MYO7B: variants seen among roughly 807,000 people sequenced by gnomAD.
The protein encoded by MYO7B is unconventional myosin-VIIb.
A neutral mutation model predicts 259.7 loss-of-function variants in MYO7B; 212 were observed. The ratio of observed to expected loss-of-function variants is 0.82; its 90% CI spans 0.73 to 0.91. The LOEUF (loss-of-function observed/expected upper bound fraction) is 0.91. Ranked by LOEUF, MYO7B falls within the 40% of genes least tolerant of loss-of-function variation. The pLI, the probability that MYO7B is intolerant of heterozygous loss-of-function variation, is 0.00. For synonymous variants in MYO7B, 1,197 were observed against 1,166.4 expected (o/e 1.03, Z -0.54); for missense variants, 2,732 against 2,813.5 (o/e 0.97, Z 0.66).
At chr2:127,631,880 TCAG>T in intron 38 of MYO7B, 127 bp downstream of exon 38, 2 of 1,268,752 alleles carry the variant, frequency 1.6e-6, no homozygotes, top group South Asian at 2.9e-5. Flanking sequence ...GGCTCCTGCC[TCAG>T]CAGTGGGAAG....
At chr2:127,606,825 T>G (rs1680170134) in intron 20 of MYO7B, among the ~76,000 whole-genome samples, 1 of 152,198 alleles carries the variant, frequency 6.6e-6, no homozygotes, top group Non-Finnish European at 1.5e-5. Flanking sequence ...CACACGGGTG[T>G]GCTAGCCCGT....
chr2:127,536,602 A>C (rs1055137177), intron 1 of MYO7B, among the ~76,000 whole-genome samples: 1 of 152,002 alleles, frequency 6.6e-6, no homozygotes, highest in East Asian at 1.9e-4. Flanking sequence ...AGACACAGAG[A>C]TTGTGAGAGC....
intron 1 of MYO7B, among the ~76,000 whole-genome samples, chr2:127,553,331 T>G (rs1693524178): frequency 6.6e-6 from 1 of 152,246 alleles, no homozygotes; most frequent in Admixed American, 6.5e-5. Flanking sequence ...TTGGCTTGAA[T>G]TTTTAAATTG....
chr2:127,622,288 G>A (rs1205900409), intron 28 of MYO7B, among the ~76,000 whole-genome samples, 187 bp downstream of exon 28: 8 of 152,092 alleles, frequency 5.3e-5, no homozygotes, highest in Non-Finnish European at 8.8e-5. Flanking sequence ...CTCCCCAGGC[G>A]TGACCCCCAT....
Position 127,608,734 on chromosome 2 carries a change from G to T in MYO7B, c.2670G>T (p.Gly890=). ...CGCCGCTGGTCATCCCGGCCGAGGG[G>T]CAGAAAAGCCAAGGCGCTCTCCCTG... ...ANAPLVIPAE[G]QKSQGALPAK... The change falls in exon 22 of 48, where the codon GGG becomes GGT. Residue 890 remains glycine, a synonymous_variant. Coordinates refer to ENST00000409816, the MANE Select transcript of MYO7B (RefSeq NM_001393586.1). The T allele has an allele frequency of 6.2e-7, 1 of 1,612,738 alleles. No homozygotes were observed. Among genetic ancestry groups the T allele is most frequent in the Non-Finnish European group, 8.5e-7 (1 of 1,179,306 alleles).
chr2:127,634,365 C>A, intron 41 of MYO7B, 76 bp downstream of exon 41: 1 of 1,174,858 alleles, frequency 8.5e-7, no homozygotes, highest in Non-Finnish European at 1.2e-6. Context: ...CTGTGGGGGC[C>A]TCAGCCTACC....
chr2:127,596,917 G>A (rs996912486), intron 19 of MYO7B, among the ~76,000 whole-genome samples: 1 of 152,226 alleles, frequency 6.6e-6, no homozygotes, highest in Non-Finnish European at 1.5e-5. Context: ...GGCTTGCCTG[G>A]GTTCCCTGGT....
chr2:127,588,299 G>A (rs904095400), intron 14 of MYO7B, 93 bp from the exon 15 acceptor site: 19 of 1,430,708 alleles, frequency 1.3e-5, no homozygotes, highest in South Asian at 8.0e-5. Flanking sequence ...GCTCCTCCAC[G>A]CATCCTGTAT....
chr2:127,545,007 G>A (rs940839746), intron 1 of MYO7B, among the ~76,000 whole-genome samples: 5 of 152,188 alleles, frequency 3.3e-5, no homozygotes, highest in African/African-American at 9.6e-5. Flanking sequence ...TTACAGGTGT[G>A]AGCCACCGCA....
At position 127,636,568 on chromosome 2, in the gene MYO7B, G is replaced by A. The variant is rs199712976; in HGVS notation, c.6147G>A (p.Pro2049=). 2.4e-5 allele frequency: 38 copies of A among 1,612,402 alleles called. No homozygotes were observed. The highest frequency in any genetic ancestry group is 4.0e-5 in the African/African-American group (3 of 74,962). The stretch of plus-strand genomic sequence containing the variant: ...AGCAAACCTCGGAGCCTTCCTACCC[G>A]GACGTCATCCTCATCGCCATCAACC... ...EVKQTSEPSY[P]DVILIAINRH... is the part of the protein sequence containing the mutation. Residue 2049 remains proline (P), a synonymous_variant, in exon 46 of 48, where the codon CCG becomes CCA. Transcript: ENST00000409816. The surrounding 1 kb of genome is among the most constrained non-coding windows in gnomAD (Gnocchi z 4.5).
Position 127,620,450 on chromosome 2 carries a change from CAG to C in MYO7B, c.3514_3515del (p.Arg1172ValfsTer120). On this transcript the variant is annotated frameshift_variant, in exon 27 of 48. Transcript: ENST00000409816. LOFTEE classifies it high-confidence loss of function. ...CTCTGCCTCGGCTGCTTCCCACCCT[CAG>C]AGAGGTTCATGAAGGTGAGAGGGTT... is the stretch of plus-strand genomic sequence containing the variant. The C allele has an allele frequency of 6.3e-7, 1 of 1,597,482 alleles. No homozygotes were observed. The highest frequency in any genetic ancestry group is 1.1e-5 in the South Asian group (1 of 89,716).
Position 127,625,079 on chromosome 2 carries a change from G to A in MYO7B, c.4048-289G>A, listed in dbSNP as rs570834242. Among the ~76,000 whole-genome samples, 7 of 152,294 alleles carry A rather than the reference G, an allele frequency of 4.6e-5. No homozygotes were observed. The South Asian group carries it at 1.2e-3, about 27-fold the overall frequency. Reference sequence around the variant, plus strand: ...GACAACCAAGGACTGGAACTCAGATGAGGAAACGCCTTGTCACTCAGAGCA... The same window carrying A: ...GACAACCAAGGACTGGAACTCAGATAAGGAAACGCCTTGTCACTCAGAGCA... On this transcript the variant is annotated intron_variant, in intron 30 of 47. Coordinates refer to ENST00000409816, the MANE Select transcript of MYO7B (RefSeq NM_001393586.1).
At chr2:127,629,927 C>A in intron 35 of MYO7B, 101 bp downstream of exon 35, 1 of 1,309,948 alleles carries the variant, frequency 7.6e-7, no homozygotes, top group Non-Finnish European at 9.9e-7. Context: ...GCCTGCAGCC[C>A]ACCTAGCAGA....
chr2:127,540,994 T>C lies in MYO7B; in HGVS notation c.-24+5163T>C, dbSNP rs77801290. Among the ~76,000 whole-genome samples the C allele has an allele frequency of 6.6e-3, 1,005 of 152,306 alleles. 11 individuals carry two copies. The highest frequency in any genetic ancestry group is 0.023 in the African/African-American group (951 of 41,576). On this transcript the variant is annotated intron_variant, in intron 1 of 47. Coordinates refer to ENST00000409816, the MANE Select transcript of MYO7B (RefSeq NM_001393586.1). ...TTCTCAGGTGCTAGCTCTAAAATGA[T>C]GGAGGGATTTTCATTGTTCATATCT...
At chr2:127,551,784 GTT>G (rs1364236474) in intron 1 of MYO7B, among the ~76,000 whole-genome samples, 3 of 152,202 alleles carry the variant, frequency 2.0e-5, no homozygotes, top group Non-Finnish European at 4.4e-5. Flanking sequence ...GCTGAGTGTT[GTT>G]TCTCTCTTGT....
At position 127,624,101 on chromosome 2, in the gene MYO7B, C is replaced by A; in HGVS notation, c.3828C>A (p.Ser1276=). The change falls in exon 30 of 48, where the codon TCC becomes TCA. Residue 1276 remains serine, a synonymous_variant. Coordinates refer to ENST00000409816, the MANE Select transcript of MYO7B (RefSeq NM_001393586.1). The part of the protein sequence containing the change: ...LQVAVYDKFW[S]LGSGRDHMMD... ...CCCGACTCTGGCCTCAGTTCTGGTC[C>A]CTGGGCAGCGGGCGCGACCACATGA... The A allele has an allele frequency of 6.4e-7, 1 of 1,567,082 alleles. No homozygotes were observed. Among genetic ancestry groups the A allele is most frequent in the East Asian group, 2.4e-5 (1 of 42,034 alleles).
Position 127,597,265 on chromosome 2 carries a change from C to T in MYO7B, c.2339+709C>T, listed in dbSNP as rs895533953. Among the ~76,000 whole-genome samples the T allele has an allele frequency of 6.6e-6, 1 of 152,250 alleles. No homozygotes were observed. Among genetic ancestry groups the T allele is most frequent in the Non-Finnish European group, 1.5e-5 (1 of 68,038 alleles). On this transcript the variant is annotated intron_variant, in intron 19 of 47. Coordinates refer to ENST00000409816, the MANE Select transcript of MYO7B (RefSeq NM_001393586.1). The surrounding 1 kb of genome is among the most constrained non-coding windows in gnomAD (Gnocchi z 4.8). ...TCAGAGGCGAGGCAGGCTGGCCACC[C>T]TGACTCCCAACATTTTAAATTAAAC...
At chr2:127,574,133 A>C in intron 7 of MYO7B, 71 bp downstream of exon 7, 1 of 1,575,272 alleles carries the variant, frequency 6.3e-7, no homozygotes, top group Non-Finnish European at 8.7e-7. Context: ...CCCCTTTCCC[A>C]CTCTCACCTC....
chr2:127,619,818 C>T (rs778369853), intron 26 of MYO7B, among the ~76,000 whole-genome samples: 40 of 151,984 alleles, frequency 2.6e-4, no homozygotes, highest in Non-Finnish European at 5.9e-4. Flanking sequence ...AGGAGAGAAC[C>T]GCCCCCAACA....
Sources: allele counts gnomAD v4.1 joint callset (sites outside exome capture counted in the v4.1 genomes callset), GRCh38; gene constraint gnomAD v4.1.1; non-coding constraint Gnocchi (gnomAD v3.1); transcripts MANE v1.5; gene names NCBI Gene and HGNC (gene_info 2026-07-23, HGNC 2026-07-21).